The following DDX10 variants were observed in gnomAD, a reference collection of about 807,000 sequenced individuals.
DDX10 encodes the protein probable ATP-dependent RNA helicase DDX10.
DDX10 carries 74 observed loss-of-function variants against 104.3 expected under a neutral mutation model. That is an observed-to-expected ratio of 0.71 (90% CI 0.59 to 0.86). The LOEUF is 0.86. Ranked by LOEUF, DDX10 falls within the 40% of genes least tolerant of loss-of-function variation. DDX10 has a pLI of 0.00. For missense variants in DDX10, 952 were observed against 1,040.0 expected (o/e 0.92, Z 1.16); for synonymous variants, 351 against 353.4 (o/e 0.99, Z 0.08).
chr11:108,878,992 A>C (rs1308789330), intron 16 of DDX10, among the ~76,000 whole-genome samples: 1 of 152,034 alleles, frequency 6.6e-6, no homozygotes, highest in East Asian at 1.9e-4. Context: ...TTACCGTGGA[A>C]ATTTTCTAAG....
rs762488592 is a variant in DDX10, at chr11:108,716,089, A to G, written c.1410+123A>G. On this transcript the variant is annotated intron_variant, in intron 11 of 17. Transcript: ENST00000322536. ...TTCAAGCAGTGTAATTTGCTGACAG[A>G]TAAGTCTAGCTTATTTTTTTTTTTG... The G allele has an allele frequency of 3.1e-4, 206 of 667,696 alleles. 1 individual carries two copies. Among genetic ancestry groups the G allele is most frequent in the Non-Finnish European group, 4.9e-4 (184 of 372,996 alleles). The allele number at this position is 667,696 out of a possible 1,614,324, so 41.4% of individuals were successfully genotyped here. A position where few individuals can be genotyped will look rare whatever the true frequency, so the allele number is the denominator to read the frequency against.
chr11:108,702,303 G>GT (rs1441704563), intron 9 of DDX10, among the ~76,000 whole-genome samples: 6 of 152,032 alleles, frequency 3.9e-5, no homozygotes, highest in Non-Finnish European at 7.4e-5. Context: ...ACTTAGAAAT[G>GT]TTTTTTTCGT....
chr11:108,902,867 T>TA (rs1441154900), intron 16 of DDX10, among the ~76,000 whole-genome samples: 1 of 152,154 alleles, frequency 6.6e-6, no homozygotes, highest in Admixed American at 6.5e-5. Flanking sequence ...AAGTAGAATG[T>TA]AAAAAAATTT....
In DDX10 at chr11:108,729,404, C is replaced by G. The variant is rs140203596; in HGVS notation, c.1965+5942C>G. Among the ~76,000 whole-genome samples the G allele has an allele frequency of 3.8e-3, 584 of 152,222 alleles. 3 individuals are homozygous for G. The highest frequency in any genetic ancestry group is 7.1e-3 in the Admixed American group (109 of 15,292). On this transcript the variant is annotated intron_variant, in intron 13 of 17. Transcript: ENST00000322536. ...GTCCCTGAGGAGTGATTGAATAACC[C>G]ACATTTCAGTAACTACCATAAAATA...
In DDX10 at chr11:108,810,188, G is replaced by A. The variant is rs73558607; in HGVS notation, c.1966-28258G>A. Among the ~76,000 whole-genome samples, 562 of 152,228 alleles carry A rather than the reference G, an allele frequency of 3.7e-3. 1 individual carries two copies. Among genetic ancestry groups the A allele is most frequent in the African/African-American group, 0.013 (533 of 41,530 alleles). ...AAAATTGTATGGGCATGGAGAAGGA[G>A]ATAGTTAGGACTGGTTATTTGTTTT... is the stretch of plus-strand genomic sequence containing the variant. On this transcript the variant is annotated intron_variant, in intron 13 of 17. Coordinates refer to ENST00000322536, the MANE Select transcript of DDX10 (RefSeq NM_004398.4).
intron 13 of DDX10, among the ~76,000 whole-genome samples, chr11:108,832,820 T>C (rs1446562145): frequency 2.0e-5 from 3 of 152,192 alleles, no homozygotes; most frequent in East Asian, 3.9e-4. Context: ...TAAAAGCACA[T>C]GTGTATGAAT....
intron 13 of DDX10, among the ~76,000 whole-genome samples, chr11:108,802,504 T>C (rs887050071): frequency 6.6e-6 from 1 of 152,264 alleles, no homozygotes; most frequent in Non-Finnish European, 1.5e-5. Flanking sequence ...TGACAAAATT[T>C]ATGGTTGCAA....
intron 13 of DDX10, among the ~76,000 whole-genome samples, chr11:108,774,651 G>A (rs182184110): frequency 6.6e-6 from 1 of 152,270 alleles, no homozygotes; most frequent in East Asian, 1.9e-4. Flanking sequence ...GGTTAAAAGG[G>A]ATAAAAACCT....
chr11:108,849,476 C>A (rs2134603398), intron 15 of DDX10, among the ~76,000 whole-genome samples: 1 of 152,140 alleles, frequency 6.6e-6, no homozygotes, highest in African/African-American at 2.4e-5. Context: ...ATTCATGTTT[C>A]ATGGTAGTTT....
intron 16 of DDX10, among the ~76,000 whole-genome samples, chr11:108,910,725 ATGCGTGTG>A (rs1394853243): frequency 2.9e-5 from 3 of 103,790 alleles, no homozygotes; most frequent in East Asian, 3.2e-4. Flanking sequence ...AGGAGCGTGC[ATGCGTGTG>A]TGTGTGTGTG....
intron 13 of DDX10, among the ~76,000 whole-genome samples, chr11:108,739,955 T>TG (rs1308387978): frequency 6.6e-6 from 1 of 151,748 alleles, no homozygotes; most frequent in Admixed American, 6.6e-5. Context: ...TTTGTTTTCG[T>TG]GAGAAGTTTT....
chr11:108,833,927 A>G (rs1266226846), intron 13 of DDX10, among the ~76,000 whole-genome samples: 2 of 152,016 alleles, frequency 1.3e-5, no homozygotes, highest in Non-Finnish European at 2.9e-5. Context: ...TTCATATTCT[A>G]CAGTTAACCT....
intron 13 of DDX10, among the ~76,000 whole-genome samples, chr11:108,820,532 A>T (rs775517666): frequency 6.6e-6 from 1 of 152,210 alleles, no homozygotes; most frequent in Non-Finnish European, 1.5e-5. Context: ...GTGGCCGGTC[A>T]AATGTATCAG....
intron 16 of DDX10, among the ~76,000 whole-genome samples, chr11:108,894,658 AT>A (rs1304258615): frequency 6.6e-6 from 1 of 152,044 alleles, no homozygotes; most frequent in Non-Finnish European, 1.5e-5. Context: ...AGTCAATAGA[AT>A]TCAAAATGCA....
At chr11:108,860,175 A>T (rs779507499) in intron 16 of DDX10, among the ~76,000 whole-genome samples, 1 of 152,192 alleles carries the variant, frequency 6.6e-6, no homozygotes, top group Admixed American at 6.5e-5. Context: ...ATTACTAGGA[A>T]ATTCTAAAAT....
chr11:108,796,448 A>T (rs1372450155), intron 13 of DDX10, among the ~76,000 whole-genome samples: 1 of 152,174 alleles, frequency 6.6e-6, no homozygotes, highest in East Asian at 1.9e-4. Context: ...GTAATGGTGG[A>T]TGAAGGTCTT....
rs766377697 is a variant in DDX10, at chr11:108,852,171, A to G, written c.2266A>G (p.Arg756Gly). The change falls in exon 16 of 18, where the codon AGG becomes GGG. Residue 756 changes from arginine (R) to glycine (G), a missense_variant. By Grantham distance (125) the Arg-to-Gly change is moderately radical (BLOSUM62 -2). Around this residue, in one of 3 missense-constraint regions of DDX10, gnomAD observed 533 missense variants for 534.1 expected, o/e 1.00. Transcript: ENST00000322536. Reference sequence around the variant, plus strand: ...TCTCCAGGAGAAAAGACTGAAAGAAAGGGAAGCCAGAAGAGAAGCCAACAA... The same window carrying G: ...TCTCCAGGAGAAAAGACTGAAAGAAGGGGAAGCCAGAAGAGAAGCCAACAA... ...AKHREKRLKE[R>G]EARREANKRQ... 6.2e-7 allele frequency: 1 copy of G among 1,611,228 alleles called. No individual in the cohort carries two copies. Among genetic ancestry groups the G allele is most frequent in the Non-Finnish European group, 8.5e-7 (1 of 1,178,292 alleles).
rs536670675 is a variant in DDX10, at chr11:108,779,453, A to G, written c.1965+55991A>G. ...TCACGAGGACAGAAAACCAAACACC[A>G]CATGTTCTCACTCATAGGTGGGAAT... On this transcript the variant is annotated intron_variant, in intron 13 of 17. Coordinates refer to ENST00000322536, the MANE Select transcript of DDX10 (RefSeq NM_004398.4). Among the ~76,000 whole-genome samples the G allele has an allele frequency of 9.2e-5, 14 of 151,874 alleles. No homozygotes were observed. In the South Asian group the frequency reaches 2.5e-3, roughly 27 times the overall value.
At chr11:108,780,606 A>G (rs531110358) in intron 13 of DDX10, among the ~76,000 whole-genome samples, 2 of 152,342 alleles carry the variant, frequency 1.3e-5, no homozygotes, top group South Asian at 2.1e-4. Flanking sequence ...CACATCCTCT[A>G]TAAATATACT....
Sources: allele counts gnomAD v4.1 joint callset (sites outside exome capture counted in the v4.1 genomes callset), GRCh38; gene constraint gnomAD v4.1.1; regional missense constraint gnomAD v4.1.1; transcripts MANE v1.5; gene names NCBI Gene and HGNC (gene_info 2026-07-23, HGNC 2026-07-21).